INPP4B: variants seen among roughly 807,000 people sequenced by gnomAD.
INPP4B encodes inositol polyphosphate 4-phosphatase type II.
In INPP4B, 55 loss-of-function variants were observed where a neutral mutation model predicts 122.5. The observed-to-expected ratio is 0.45, with a 90% CI of 0.36 to 0.56. The LOEUF is 0.56. Among genes scored for constraint, INPP4B ranks in the 20% least tolerant of loss-of-function variants. The pLI, the probability that INPP4B is intolerant of heterozygous loss-of-function variation, is 0.00. For missense variants in INPP4B, 1,000 were observed against 1,097.7 expected (o/e 0.91, Z 1.26); for synonymous variants, 403 against 388.7 (o/e 1.04, Z -0.43).
At chr4:142,493,882 T>G (rs1024638799) in intron 2 of INPP4B, among the ~76,000 whole-genome samples, 3 of 152,086 alleles carry the variant, frequency 2.0e-5, no homozygotes, top group African/African-American at 7.2e-5. Context: ...ATGATATGGT[T>G]TGGCTGTGTT....
At chr4:142,115,237 G>A (rs939741361) in intron 21 of INPP4B, among the ~76,000 whole-genome samples, 2 of 152,132 alleles carry the variant, frequency 1.3e-5, no homozygotes, top group African/African-American at 4.8e-5. Context: ...AAAACACTCT[G>A]CAGGATATTA....
intron 25 of INPP4B, among the ~76,000 whole-genome samples, chr4:142,053,909 T>C (rs1483711079): frequency 1.3e-5 from 2 of 152,122 alleles, no homozygotes; most frequent in Admixed American, 1.3e-4. Flanking sequence ...CAAAATATAA[T>C]TTAGTGTTTT....
At chr4:142,367,689 T>C (rs1382091585) in intron 7 of INPP4B, among the ~76,000 whole-genome samples, 1 of 152,126 alleles carries the variant, frequency 6.6e-6, no homozygotes, top group Non-Finnish European at 1.5e-5. Context: ...GCATCCATAA[T>C]ACATCTTCCC....
chr4:142,375,867 C>T (rs527871155), intron 7 of INPP4B, among the ~76,000 whole-genome samples: 1 of 152,030 alleles, frequency 6.6e-6, no homozygotes, highest in African/African-American at 2.4e-5. Context: ...CAAGTGCCCA[C>T]ACCTGGACTT....
At chr4:142,104,364 G>A (rs906341209) in intron 23 of INPP4B, among the ~76,000 whole-genome samples, 3 of 152,040 alleles carry the variant, frequency 2.0e-5, no homozygotes, top group Non-Finnish European at 4.4e-5. Flanking sequence ...GAATGCTTTA[G>A]GTAGGCACAA....
intron 14 of INPP4B, among the ~76,000 whole-genome samples, chr4:142,199,276 T>C (rs572252904): frequency 2.6e-5 from 4 of 152,042 alleles, no homozygotes; most frequent in Non-Finnish European, 5.9e-5. Flanking sequence ...AGGGAATTAA[T>C]ATTCTTAACT....
rs2152528638 is a variant in INPP4B at position 142,082,148 on chromosome 4, C to A, written c.2525G>T (p.Cys842Phe). The A allele has an allele frequency of 6.5e-7, 1 of 1,535,052 alleles. No individual in the cohort carries two copies. Among genetic ancestry groups the A allele is most frequent in the Non-Finnish European group, 8.9e-7 (1 of 1,122,698 alleles). Residue 842 changes from cysteine (C) to phenylalanine (F), a missense_variant, in exon 25 of 26, where the codon TGT becomes TTT. Cys to Phe is a radical substitution (Grantham distance 205). Coordinates refer to ENST00000262992, the MANE Select transcript of INPP4B (RefSeq NM_001101669.3). The stretch of plus-strand genomic sequence containing the variant: ...CGATGTCCTGTCTTTGGCACTTTTA[C>A]AACAGGTGAAACGAATACCATTCAG... ...RKLNGIRFTC[C>F]KSAKDRTSMS...
intron 2 of INPP4B, among the ~76,000 whole-genome samples, chr4:142,675,847 CA>C (rs575579984): frequency 1.3e-4 from 20 of 152,098 alleles, no homozygotes; most frequent in Non-Finnish European, 2.1e-4. Context: ...GAATGTATCT[CA>C]AAATAATAAG....
At chr4:142,135,438 A>G (rs1364883889) in intron 18 of INPP4B, among the ~76,000 whole-genome samples, 1 of 152,248 alleles carries the variant, frequency 6.6e-6, no homozygotes, top group Non-Finnish European at 1.5e-5. Flanking sequence ...TATTTTATAT[A>G]AACATTCAGA....
intron 7 of INPP4B, among the ~76,000 whole-genome samples, chr4:142,316,115 C>T (rs1767551157): frequency 6.6e-6 from 1 of 152,142 alleles, no homozygotes; most frequent in African/African-American, 2.4e-5. Context: ...TTCTTTATGA[C>T]AGATCCAGCA....
chr4:142,528,285 G>A (rs1469550590), intron 2 of INPP4B, among the ~76,000 whole-genome samples: 1 of 152,016 alleles, frequency 6.6e-6, no homozygotes, highest in African/African-American at 2.4e-5. Flanking sequence ...CTTCTTATCT[G>A]GCTCAAGTGC....
chr4:142,073,436 G>C (rs909398133), intron 25 of INPP4B, among the ~76,000 whole-genome samples: 1 of 152,102 alleles, frequency 6.6e-6, no homozygotes, highest in Non-Finnish European at 1.5e-5. Context: ...AAATTGGCCT[G>C]TGAAGCCATC....
At chr4:142,508,571 G>A (rs1455290142) in intron 2 of INPP4B, among the ~76,000 whole-genome samples, 1 of 152,152 alleles carries the variant, frequency 6.6e-6, no homozygotes. Context: ...ACTGCGCCCG[G>A]CTTACAATAG....
intron 23 of INPP4B, among the ~76,000 whole-genome samples, chr4:142,090,681 C>T (rs553485024): frequency 6.6e-6 from 1 of 150,516 alleles, no homozygotes; most frequent in South Asian, 2.1e-4. Context: ...AGCTGAGTCT[C>T]TATGCATATC....
chr4:142,251,673 T>C (rs1732137408), intron 11 of INPP4B, among the ~76,000 whole-genome samples: 1 of 152,220 alleles, frequency 6.6e-6, no homozygotes, highest in South Asian at 2.1e-4. Flanking sequence ...TTCTTCATTC[T>C]GTGTAAGTGG....
At chr4:142,798,313 G>C (rs1281154826) in intron 1 of INPP4B, among the ~76,000 whole-genome samples, 2 of 151,894 alleles carry the variant, frequency 1.3e-5, no homozygotes, top group African/African-American at 4.8e-5. Context: ...ATAGATTCAA[G>C]AGGATAAGAA....
chr4:142,778,813 T>A (rs982790325), intron 1 of INPP4B, among the ~76,000 whole-genome samples: 6 of 152,196 alleles, frequency 3.9e-5, no homozygotes, highest in African/African-American at 1.4e-4. Context: ...TCATTTTCAA[T>A]ATATTCTTTC....
chr4:142,747,318 G>A (rs1158264539), intron 1 of INPP4B, among the ~76,000 whole-genome samples: 1 of 152,108 alleles, frequency 6.6e-6, no homozygotes, highest in Non-Finnish European at 1.5e-5. Flanking sequence ...AAACCACGAT[G>A]ACATACCAAC....
chr4:142,115,600 C>G (rs1792809019), intron 21 of INPP4B, among the ~76,000 whole-genome samples: 1 of 152,126 alleles, frequency 6.6e-6, no homozygotes. Context: ...CTTTTACAGA[C>G]AAGCAAATAC....
Sources: gnomAD v4.1 joint callset for allele counts (sites outside exome capture counted in the v4.1 genomes callset) on GRCh38, gnomAD v4.1.1 for gene constraint, MANE v1.5 for transcripts, NCBI Gene and HGNC (gene_info 2026-07-23, HGNC 2026-07-21) for gene names.